Variants in CFAP43 observed in about 807,000 individuals in gnomAD.
CFAP43 encodes the protein cilia- and flagella-associated protein 43.
CFAP43 carries 155 observed loss-of-function variants against 218.9 expected under a neutral mutation model. That is an observed-to-expected ratio of 0.71 (90% confidence interval 0.62 to 0.81). The LOEUF (loss-of-function observed/expected upper bound fraction) is 0.81, where lower values mean the gene tolerates loss of function less well. CFAP43 is among the 30% of genes least tolerant of loss of function. The pLI is 0.00. For missense variants in CFAP43, 1,778 were observed against 1,954.3 expected, an observed-to-expected ratio of 0.91 and a Z score of 1.70; for synonymous variants, 645 against 681.3, an observed-to-expected ratio of 0.95 and a Z score of 0.83.
At chr10:104,214,857 G>A (rs2090969951) in intron 3 of CFAP43, among the ~76,000 whole-genome samples, 1 of 152,212 alleles carries the variant, frequency 6.6e-6, no homozygotes, top group Admixed American at 6.5e-5. Context: ...TTAAAGTGGT[G>A]CCAGGCGCGG....
intron 3 of CFAP43, among the ~76,000 whole-genome samples, chr10:104,223,335 C>CATCATTTTT (rs1331795822): frequency 1.3e-5 from 2 of 152,158 alleles, no homozygotes; most frequent in African/African-American, 4.8e-5. Context: ...GCCTAACAAT[C>CATCATTTTT]ATCATTTTTG....
chr10:104,184,997 T>A lies in CFAP43; in HGVS notation c.2141+19A>T. ...ACACACTATACTACATGGGGTTACTTACTGAATACTGTACGTACTTCCACT... is the reference window on the plus strand; with the variant it reads ...ACACACTATACTACATGGGGTTACTAACTGAATACTGTACGTACTTCCACT... On this transcript the variant is annotated intron_variant, in intron 16 of 37. Coordinates refer to ENST00000357060, the MANE Select transcript of CFAP43 (RefSeq NM_025145.7). 1 of 1,612,658 alleles carries A rather than the reference T, an allele frequency of 6.2e-7. No homozygotes were observed. Among genetic ancestry groups the A allele is most frequent in the South Asian group, 1.1e-5 (1 of 90,884 alleles).
chr10:104,147,150 G>T (rs1157264769), intron 29 of CFAP43, among the ~76,000 whole-genome samples: 1 of 150,780 alleles, frequency 6.6e-6, no homozygotes, highest in Admixed American at 6.7e-5. Flanking sequence ...ACACACTAGT[G>T]GCTGACTTAG....
chr10:104,225,426 C>T (rs763541848), intron 3 of CFAP43, 35 bp downstream of exon 3: 9 of 1,481,152 alleles, frequency 6.1e-6, no homozygotes, highest in Non-Finnish European at 8.4e-6. Context: ...AAATGTAACC[C>T]AGTAAAAGGA....
At chr10:104,180,353 C>T (rs1277546475) in intron 17 of CFAP43, among the ~76,000 whole-genome samples, 4 of 152,134 alleles carry the variant, frequency 2.6e-5, no homozygotes, top group African/African-American at 7.2e-5. Flanking sequence ...AGGATCTTTC[C>T]CAACAGCATC....
In CFAP43 at chr10:104,230,786, G is replaced by A. The variant is rs772605611; in HGVS notation, c.123C>T (p.Cys41=). ...NVHFVNDNTI[C]YPCGNYVIFI... ...ATATTACATAATTCCCACAAGGGTA[G>A]CAAATGGTGTTGTCGTTGACAAAAT... Residue 41 remains cysteine (C), a synonymous_variant, in exon 2 of 38, where the codon TGC becomes TGT. Transcript: ENST00000357060. The A allele has an allele frequency of 6.2e-7, 1 of 1,613,898 alleles. No individual in the cohort carries two copies. The highest frequency in any genetic ancestry group is 1.1e-5 in the South Asian group (1 of 90,968).
Position 104,230,616 on chromosome 10 carries a change from C to T in CFAP43, c.293G>A (p.Gly98Glu), listed in dbSNP as rs143699423. 30 of 1,614,144 alleles carry T rather than the reference C, an allele frequency of 1.9e-5. No homozygotes were observed. The African/African-American group carries it at 2.5e-4, about 14-fold the overall frequency. ...KPLIYVYSFP[G>E]LTRRTKLKGN... Reference sequence around the variant, plus strand: ...TTTCAATTTGGTCCTTCTGGTCAATCCTGGAAAGCTGTATACGTAGATGAG... The same window carrying T: ...TTTCAATTTGGTCCTTCTGGTCAATTCTGGAAAGCTGTATACGTAGATGAG... The change falls in exon 2 of 38, where the codon GGA becomes GAA. Residue 98 changes from glycine (G) to glutamate (E), a missense_variant. By Grantham distance (98) the Gly-to-Glu change is moderately conservative. This residue lies in a region of CFAP43 where 1,553 missense variants were observed against 1,685.2 expected (regional missense o/e 0.92). Transcript: ENST00000357060.
intron 27 of CFAP43, among the ~76,000 whole-genome samples, chr10:104,157,340 G>GT (rs2088602534): frequency 1.3e-5 from 2 of 152,194 alleles, no homozygotes; most frequent in African/African-American, 2.4e-5. Flanking sequence ...CTGCAGAGCT[G>GT]TAGAAGTATT....
intron 3 of CFAP43, among the ~76,000 whole-genome samples, chr10:104,215,355 A>G (rs1480882791): frequency 6.6e-6 from 1 of 152,126 alleles, no homozygotes; most frequent in Non-Finnish European, 1.5e-5. Flanking sequence ...ACTGGAGCTA[A>G]TATTGATTGA....
chr10:104,144,093 C>T (rs775950928), intron 31 of CFAP43, among the ~76,000 whole-genome samples: 18 of 152,142 alleles, frequency 1.2e-4, no homozygotes, highest in South Asian at 8.3e-4. Flanking sequence ...AAGATTTGGG[C>T]GAGGCACTCA....
Position 104,187,458 on chromosome 10 carries a change from C to T in CFAP43, c.1722G>A (p.Leu574=). 1 of 1,594,856 alleles carries T rather than the reference C, an allele frequency of 6.3e-7. No homozygotes were observed. Among genetic ancestry groups the T allele is most frequent in the Non-Finnish European group, 8.5e-7 (1 of 1,172,096 alleles). Residue 574 remains leucine (L), a synonymous_variant, in exon 14 of 38, where the codon CTG becomes CTA. Transcript: ENST00000357060. ...GGTACTTATGAATGATTTCATCTTT[C>T]AGCCTTCCTCTTTCATCAGCAAAGG... ...STTFADERGR[L]KDEIIHKYLY... is the part of the protein sequence containing the mutation.
intron 8 of CFAP43, among the ~76,000 whole-genome samples, chr10:104,202,831 TAA>T (rs372323241): frequency 2.7e-4 from 41 of 150,338 alleles, no homozygotes; most frequent in Non-Finnish European, 4.7e-4. Context: ...TTTTTTTTTT[TAA>T]AAAAAACTTC....
intron 6 of CFAP43, among the ~76,000 whole-genome samples, chr10:104,207,397 G>A (rs1310426521): frequency 1.3e-5 from 2 of 152,124 alleles, no homozygotes; most frequent in Admixed American, 6.5e-5. Context: ...TCAGGTGTCA[G>A]CTCCACAGTT....
intron 37 of CFAP43, among the ~76,000 whole-genome samples, chr10:104,130,998 C>CAAAAAAA (rs1163188252): frequency 2.5e-4 from 14 of 56,702 alleles, no homozygotes; most frequent in African/African-American, 5.9e-4. Flanking sequence ...CACCCTGTCT[C>CAAAAAAA]AAAAAAAAAA....
intron 34 of CFAP43, among the ~76,000 whole-genome samples, chr10:104,137,517 A>G (rs1371792073): frequency 1.3e-5 from 2 of 152,130 alleles, no homozygotes; most frequent in South Asian, 2.1e-4. Flanking sequence ...ATGATAAAAA[A>G]TGTTCTGAGG....
chr10:104,159,974 C>T (rs1220596102), intron 27 of CFAP43, among the ~76,000 whole-genome samples: 8 of 152,182 alleles, frequency 5.3e-5, no homozygotes, highest in Admixed American at 2.0e-4. Context: ...TGCGGACCAG[C>T]TCTAAGGACC....
chr10:104,193,575 T>C (rs550388919), intron 11 of CFAP43: 9 of 319,322 alleles, frequency 2.8e-5, no homozygotes, highest in Admixed American at 4.4e-5. Flanking sequence ...ATGATGGCCA[T>C]TGATACAAGT....
chr10:104,171,228 C>T lies in CFAP43; in HGVS notation c.2586+1182G>A, dbSNP rs73333206. On this transcript the variant is annotated intron_variant, in intron 20 of 37. Coordinates refer to ENST00000357060, the MANE Select transcript of CFAP43 (RefSeq NM_025145.7). ...GTGTCTGTCTTCTTTATTCTATTCC[C>T]AGCACCTAGATTAATATGCCCAGCA... Among the ~76,000 whole-genome samples the T allele has an allele frequency of 1.6e-3, 245 of 152,274 alleles. 2 individuals are homozygous for T. Among genetic ancestry groups the T allele is most frequent in the African/African-American group, 5.7e-3 (235 of 41,532 alleles).
At chr10:104,224,395 A>C (rs2091258414) in intron 3 of CFAP43, among the ~76,000 whole-genome samples, 1 of 152,108 alleles carries the variant, frequency 6.6e-6, no homozygotes, top group Admixed American at 6.6e-5. Context: ...CATAAATCAA[A>C]ACTTATCAAA....
Sources: gnomAD v4.1 joint callset for allele counts (sites outside exome capture counted in the v4.1 genomes callset) on GRCh38, gnomAD v4.1.1 for gene constraint, gnomAD v4.1.1 regional missense constraint, MANE v1.5 for transcripts, NCBI Gene and HGNC (gene_info 2026-07-23, HGNC 2026-07-21) for gene names.